Variants in KCNH1 observed in about 807,000 individuals in gnomAD.
KCNH1 encodes voltage-gated delayed rectifier potassium channel KCNH1.
In KCNH1, 27 loss-of-function variants were observed where a neutral mutation model predicts 69.2. That is an observed-to-expected ratio of 0.39 (90% CI 0.29 to 0.54). The LOEUF (loss-of-function observed/expected upper bound fraction) is 0.54. Ranked by LOEUF, KCNH1 falls within the 20% of genes least tolerant of loss-of-function variation. The probability of loss-of-function intolerance (pLI) is 0.68; values close to 1 mark genes in which losing one functional copy is unlikely to be tolerated. For synonymous variants in KCNH1, 456 were observed against 487.7 expected (o/e 0.93, Z 0.86); for missense variants, 798 against 1,261.6 (o/e 0.63, Z 5.57).
intron 6 of KCNH1, among the ~76,000 whole-genome samples, chr1:210,970,278 C>G (rs1296566191): frequency 6.7e-6 from 1 of 150,018 alleles, no homozygotes; most frequent in Non-Finnish European, 1.5e-5. Context: ...CCCCCACCCC[C>G]AACAGGCCCC....
intron 10 of KCNH1, among the ~76,000 whole-genome samples, chr1:210,724,944 G>A (rs1342504214): frequency 6.6e-6 from 1 of 152,136 alleles, no homozygotes; most frequent in Non-Finnish European, 1.5e-5. Flanking sequence ...GACTTCTCCT[G>A]TCATGAGGAA....
intron 10 of KCNH1, among the ~76,000 whole-genome samples, chr1:210,706,098 T>C (rs1299444029): frequency 2.0e-5 from 3 of 152,254 alleles, no homozygotes; most frequent in African/African-American, 7.2e-5. Context: ...TTCCAGATCC[T>C]GTCCTTTTGC....
intron 10 of KCNH1, among the ~76,000 whole-genome samples, chr1:210,729,067 T>A (rs189603760): frequency 6.6e-6 from 1 of 152,326 alleles, no homozygotes; most frequent in African/African-American, 2.4e-5. Flanking sequence ...AGATTATACA[T>A]GAAACTGTGA....
At chr1:210,723,866 C>T (rs115253243) in intron 10 of KCNH1, among the ~76,000 whole-genome samples, 4,364 of 152,124 alleles carry the variant, frequency 0.029, 196 homozygotes, top group African/African-American at 0.097. Context: ...GCTGTCCTCA[C>T]GTGGACAGAA....
intron 3 of KCNH1, among the ~76,000 whole-genome samples, chr1:211,102,315 G>A (rs572038274): frequency 6.6e-6 from 1 of 152,290 alleles, no homozygotes; most frequent in South Asian, 2.1e-4. Context: ...CCATGAGAAA[G>A]CCACGGTTGG....
intron 5 of KCNH1, among the ~76,000 whole-genome samples, chr1:211,059,827 T>G (rs1302337882): frequency 6.6e-6 from 1 of 152,064 alleles, no homozygotes; most frequent in Non-Finnish European, 1.5e-5. Context: ...CTTTCAGCAC[T>G]GGACAGATCA....
chr1:211,033,894 C>T (rs538922950), intron 5 of KCNH1, among the ~76,000 whole-genome samples: 1 of 151,028 alleles, frequency 6.6e-6, no homozygotes, highest in South Asian at 2.1e-4. Context: ...TGCATGTGTA[C>T]CCTAAAACTT....
At chr1:211,095,659 C>T (rs1018122710) in intron 3 of KCNH1, among the ~76,000 whole-genome samples, 2 of 152,134 alleles carry the variant, frequency 1.3e-5, no homozygotes, top group South Asian at 2.1e-4. Flanking sequence ...AGACCATATT[C>T]GACAGCAATG....
At chr1:211,051,462 G>A (rs2102441200) in intron 5 of KCNH1, among the ~76,000 whole-genome samples, 1 of 106,682 alleles carries the variant, frequency 9.4e-6, no homozygotes, top group East Asian at 2.6e-4. Context: ...AGCTGGAAAG[G>A]CCTCAAAGAG....
intron 5 of KCNH1, among the ~76,000 whole-genome samples, chr1:211,047,471 A>G (rs1268327618): frequency 6.6e-6 from 1 of 152,226 alleles, no homozygotes; most frequent in Non-Finnish European, 1.5e-5. Context: ...GGCTAAAAAC[A>G]CAGTAAGTTC....
chr1:210,735,089 T>C (rs1682840265), intron 10 of KCNH1, among the ~76,000 whole-genome samples: 1 of 152,078 alleles, frequency 6.6e-6, no homozygotes. Context: ...CTTCCCATGC[T>C]CTTTTGCACC....
intron 8 of KCNH1, among the ~76,000 whole-genome samples, chr1:210,803,408 C>T (rs1313910053): frequency 3.3e-5 from 5 of 152,180 alleles, no homozygotes; most frequent in African/African-American, 1.2e-4. Flanking sequence ...GGCCTGACAT[C>T]ATGGGATTCT....
intron 1 of KCNH1, among the ~76,000 whole-genome samples, chr1:211,121,294 A>C (rs1201755264): frequency 6.6e-6 from 1 of 152,244 alleles, no homozygotes; most frequent in Non-Finnish European, 1.5e-5. Context: ...ACGAGGCTAT[A>C]ATAACCAAAA....
chr1:210,894,423 G>GT lies in KCNH1; in HGVS notation c.1462+25216dup, dbSNP rs557612456. Among the ~76,000 whole-genome samples, 17 of 152,264 alleles carry GT rather than the reference G, an allele frequency of 1.1e-4. 1 individual carries two copies. The South Asian group carries it at 2.9e-3, about 26-fold the overall frequency. On this transcript the variant is annotated intron_variant, in intron 7 of 10. Coordinates refer to ENST00000271751, the MANE Select transcript of KCNH1 (RefSeq NM_172362.3). ...CAACCTTGTGCAAGCACCAGTCACT[G>GT]TTTTTTAATAATCCTTTTGGGTCAT... is the stretch of plus-strand genomic sequence containing the variant.
At chr1:210,851,685 G>A (rs12059106) in intron 7 of KCNH1, among the ~76,000 whole-genome samples, 35,467 of 152,140 alleles carry the variant, frequency 0.23, 4,301 homozygotes, top group African/African-American at 0.31. Flanking sequence ...CTCAGGCTAT[G>A]TGGTATAGCC....
chr1:210,939,791 C>A (rs1490467699), intron 6 of KCNH1, among the ~76,000 whole-genome samples: 1 of 152,172 alleles, frequency 6.6e-6, no homozygotes, highest in Non-Finnish European at 1.5e-5. Flanking sequence ...CAACTGACTC[C>A]CAAGTATATG....
chr1:210,715,491 A>T (rs1294674363), intron 10 of KCNH1, among the ~76,000 whole-genome samples: 6 of 147,988 alleles, frequency 4.1e-5, no homozygotes, highest in Non-Finnish European at 7.4e-5. Context: ...ATATAGCAAG[A>T]CCCTGTTTCT....
chr1:210,895,253 G>T (rs1686840957), intron 7 of KCNH1, among the ~76,000 whole-genome samples: 1 of 150,252 alleles, frequency 6.7e-6, no homozygotes, highest in African/African-American at 2.5e-5. Flanking sequence ...CTGGATTTAT[G>T]CATCTCTCTT....
chr1:210,981,823 T>C (rs189940154), intron 6 of KCNH1, among the ~76,000 whole-genome samples: 4 of 152,192 alleles, frequency 2.6e-5, no homozygotes, highest in African/African-American at 9.6e-5. Flanking sequence ...TGAAGGCTAT[T>C]TAGAAACAGA....
Sources: allele counts gnomAD v4.1 joint callset (sites outside exome capture counted in the v4.1 genomes callset), GRCh38; gene constraint gnomAD v4.1.1; transcripts MANE v1.5; gene names NCBI Gene and HGNC (gene_info 2026-07-23, HGNC 2026-07-21).